Variants in SORCS2 observed in about 807,000 individuals in gnomAD.
SORCS2 encodes sortilin related VPS10 domain containing receptor 2.
In SORCS2, 100 loss-of-function variants were observed where a neutral mutation model predicts 141.6. That is an observed-to-expected ratio of 0.71 (90% CI 0.60 to 0.83). The LOEUF (loss-of-function observed/expected upper bound fraction) is 0.83, where lower values mean the gene tolerates loss of function less well. Ranked by LOEUF, SORCS2 falls within the 40% of genes least tolerant of loss-of-function variation. SORCS2 has a pLI of 0.00. For missense variants in SORCS2, 1,646 were observed against 1,560.2 expected, an observed-to-expected ratio of 1.05 and a Z score of -0.93; for synonymous variants, 789 against 676.9, an observed-to-expected ratio of 1.17 and a Z score of -2.57.
Position 7,411,196 on chromosome 4 carries a change from C to A in SORCS2, c.548+14841C>A, listed in dbSNP as rs926136709. Among the ~76,000 whole-genome samples, 19 of 152,048 alleles carry A rather than the reference C, an allele frequency of 1.2e-4. No homozygotes were observed. In the East Asian group the frequency reaches 2.9e-3, roughly 23 times the overall value. On this transcript the variant is annotated intron_variant, in intron 2 of 26. Transcript: ENST00000507866. The stretch of plus-strand genomic sequence containing the variant: ...GTCTCCGTCTCTTGAACTCGTGATC[C>A]ACCCACCTTGGCCTCCCAAAGTGCT...
intron 1 of SORCS2, among the ~76,000 whole-genome samples, chr4:7,322,702 G>A (rs369703162): frequency 1.1e-3 from 163 of 152,314 alleles, no homozygotes; most frequent in African/African-American, 3.7e-3. Flanking sequence ...CACACACTCC[G>A]TGGACTACAA....
intron 3 of SORCS2, among the ~76,000 whole-genome samples, chr4:7,601,603 A>G (rs1717673269): frequency 7.1e-6 from 1 of 140,522 alleles, no homozygotes; most frequent in Non-Finnish European, 1.5e-5. Context: ...TGGGCGACAA[A>G]GCAAGACTCT....
chr4:7,678,900 G>A (rs1022879818), intron 9 of SORCS2, among the ~76,000 whole-genome samples: 2 of 152,236 alleles, frequency 1.3e-5, no homozygotes, highest in African/African-American at 2.4e-5. Context: ...TGTGCAACAG[G>A]AATGGTAGTG....
intron 2 of SORCS2, among the ~76,000 whole-genome samples, chr4:7,424,697 C>A (rs1422360517): frequency 1.3e-5 from 2 of 152,198 alleles, no homozygotes; most frequent in Non-Finnish European, 2.9e-5. Flanking sequence ...TGTGCCGGGG[C>A]TCTCAGCAGG....
At chr4:7,618,342 C>T (rs1220113228) in intron 3 of SORCS2, among the ~76,000 whole-genome samples, 8 of 152,130 alleles carry the variant, frequency 5.3e-5, no homozygotes, top group African/African-American at 1.7e-4. Flanking sequence ...GGCCCAAGCA[C>T]GCCCATCTTC....
At chr4:7,497,322 G>T (rs1421386305) in intron 2 of SORCS2, among the ~76,000 whole-genome samples, 5 of 152,262 alleles carry the variant, frequency 3.3e-5, no homozygotes, top group African/African-American at 1.2e-4. Flanking sequence ...GCGTGGCAGG[G>T]TTGGTGCTGT....
chr4:7,685,046 C>A (rs756282444), intron 10 of SORCS2, among the ~76,000 whole-genome samples: 1 of 152,234 alleles, frequency 6.6e-6, no homozygotes, highest in Non-Finnish European at 1.5e-5. Context: ...TAACACCTGT[C>A]GACCTGTGTG....
At chr4:7,676,909 TC>T in intron 9 of SORCS2, among the ~76,000 whole-genome samples, 2 of 23,954 alleles carry the variant, frequency 8.3e-5, no homozygotes, top group African/African-American at 2.5e-4. Context: ...TCTCTCTCCC[TC>T]TCTCCCTCTC....
Position 7,416,595 on chromosome 4 carries a change from C to T in SORCS2, c.548+20240C>T, listed in dbSNP as rs377733855. Among the ~76,000 whole-genome samples, 108 of 152,336 alleles carry T rather than the reference C, an allele frequency of 7.1e-4. 1 individual carries two copies. The highest frequency in any genetic ancestry group is 2.5e-3 in the African/African-American group (104 of 41,576). ...ACACACACATGCAGACACATGCTCA[C>T]ACTTGTGCGTATACACAGACACGCA... On this transcript the variant is annotated intron_variant, in intron 2 of 26. Transcript: ENST00000507866.
chr4:7,195,209 G>T (rs28512284), intron 1 of SORCS2, among the ~76,000 whole-genome samples: 4,042 of 151,402 alleles, frequency 0.027, 184 homozygotes, highest in African/African-American at 0.094. Flanking sequence ...GTGGGGGGAG[G>T]ATTGTGGGTG....
intron 5 of SORCS2, among the ~76,000 whole-genome samples, chr4:7,657,878 CTGAGTGAA>C (rs1430516390): frequency 7.1e-6 from 1 of 140,804 alleles, no homozygotes; most frequent in Admixed American, 7.1e-5. Flanking sequence ...GAGTGAGTCA[CTGAGTGAA>C]TGAGTGAGTG....
chr4:7,666,271 G>A (rs758001619), intron 7 of SORCS2, among the ~76,000 whole-genome samples: 2 of 152,138 alleles, frequency 1.3e-5, no homozygotes, highest in Admixed American at 1.3e-4. Context: ...GGGTGGTCTC[G>A]TTCTGCACAA....
chr4:7,609,654 A>C (rs1344417818), intron 3 of SORCS2, among the ~76,000 whole-genome samples: 1 of 152,260 alleles, frequency 6.6e-6, no homozygotes, highest in Non-Finnish European at 1.5e-5. Context: ...CCAGAATGGA[A>C]GGGTCCCAGG....
intron 3 of SORCS2, among the ~76,000 whole-genome samples, chr4:7,596,279 C>T (rs533113474): frequency 1.3e-5 from 2 of 152,254 alleles, no homozygotes; most frequent in South Asian, 4.2e-4. Context: ...CAATGGCCAG[C>T]TTGGCTGGCA....
chr4:7,278,706 G>A (rs1715672714), intron 1 of SORCS2, among the ~76,000 whole-genome samples: 2 of 152,210 alleles, frequency 1.3e-5, no homozygotes, highest in South Asian at 2.1e-4. Flanking sequence ...TGGATGGGAC[G>A]GGGACATCCA....
At position 7,434,632 on chromosome 4, in the gene SORCS2, G is replaced by A. The variant is rs371034367; in HGVS notation, c.548+38277G>A. 34 of 1,613,334 alleles carry A rather than the reference G, an allele frequency of 2.1e-5. No homozygotes were observed. The African/African-American group carries it at 2.7e-4, about 13-fold the overall frequency. The stretch of plus-strand genomic sequence containing the variant: ...CACCAAAGCCAGGATGTCAGACTCC[G>A]TGGCGTCAGGGTTCAGCCCATTGCC... On this transcript the variant is annotated intron_variant, in intron 2 of 26. Coordinates refer to ENST00000507866, the MANE Select transcript of SORCS2 (RefSeq NM_020777.3).
chr4:7,548,584 C>T (rs1713447992), intron 3 of SORCS2, among the ~76,000 whole-genome samples: 1 of 152,142 alleles, frequency 6.6e-6, no homozygotes, highest in African/African-American at 2.4e-5. Context: ...CAGTGACACA[C>T]ATGGGAGCTG....
chr4:7,576,626 G>A (rs529862129), intron 3 of SORCS2, among the ~76,000 whole-genome samples: 3 of 152,336 alleles, frequency 2.0e-5, no homozygotes, highest in South Asian at 4.1e-4. Context: ...GATCTAAGAC[G>A]TGGTGACAGA....
intron 2 of SORCS2, among the ~76,000 whole-genome samples, chr4:7,423,251 A>T (rs1726209520): frequency 6.6e-6 from 1 of 152,028 alleles, no homozygotes; most frequent in South Asian, 2.1e-4. Flanking sequence ...ATATTATTTT[A>T]ATGCAGTTTC....
Sources: gnomAD v4.1 joint callset for allele counts (sites outside exome capture counted in the v4.1 genomes callset) on GRCh38, gnomAD v4.1.1 for gene constraint, MANE v1.5 for transcripts, NCBI Gene and HGNC (gene_info 2026-07-23, HGNC 2026-07-21) for gene names.